The following SMAD9 variants were observed in gnomAD, a reference collection of about 807,000 sequenced individuals.
SMAD9 encodes SMAD family member 9, also known as MAD homolog 9.
Under a neutral mutation model 46.1 loss-of-function variants are expected in SMAD9, and 36 were observed. The ratio of observed to expected loss-of-function variants is 0.78; its 90% CI spans 0.60 to 1.03. The LOEUF is 1.03. Among genes scored for constraint, SMAD9 ranks in the 50% least tolerant of loss-of-function variants. The probability of loss-of-function intolerance (pLI) is 0.00; values close to 1 mark genes in which losing one functional copy is unlikely to be tolerated. For missense variants in SMAD9, 572 were observed against 599.8 expected (o/e 0.95, Z 0.48); for synonymous variants, 245 against 237.1 (o/e 1.03, Z -0.31).
intron 1 of SMAD9, among the ~76,000 whole-genome samples, chr13:36,910,145 C>T (rs928172281): frequency 5.7e-4 from 86 of 151,084 alleles, no homozygotes; most frequent in Middle Eastern, 3.4e-3. Context: ...TGCAGTGAGC[C>T]GAGATCGCGC....
At chr13:36,855,054 T>G (rs1054970646) in intron 5 of SMAD9, among the ~76,000 whole-genome samples, 1 of 151,640 alleles carries the variant, frequency 6.6e-6, no homozygotes, top group Non-Finnish European at 1.5e-5. Context: ...TCAAGGTAGG[T>G]GAATCACTTG....
chr13:36,907,460 A>C (rs2058628431), intron 1 of SMAD9, among the ~76,000 whole-genome samples: 1 of 152,184 alleles, frequency 6.6e-6, no homozygotes, highest in African/African-American at 2.4e-5. Flanking sequence ...TTGAGGCCAG[A>C]AGTACAAGAC....
At chr13:36,898,911 G>C (rs1025942055) in intron 1 of SMAD9, among the ~76,000 whole-genome samples, 11 of 152,100 alleles carry the variant, frequency 7.2e-5, no homozygotes, top group Non-Finnish European at 1.3e-4. Context: ...GGATGTCCTA[G>C]CCAGTGCGAT....
intron 1 of SMAD9, among the ~76,000 whole-genome samples, chr13:36,880,340 T>A (rs1014881210): frequency 6.6e-6 from 1 of 152,220 alleles, no homozygotes; most frequent in Non-Finnish European, 1.5e-5. Context: ...CAGTGGCTCC[T>A]TGGTCTCCCA....
chr13:36,890,488 G>T (rs1418611637), intron 1 of SMAD9, among the ~76,000 whole-genome samples: 1 of 152,076 alleles, frequency 6.6e-6, no homozygotes, highest in South Asian at 2.1e-4. Context: ...CAATGAACCA[G>T]TTTTTTTCAA....
At chr13:36,913,306 T>C (rs2058675326) in intron 1 of SMAD9, among the ~76,000 whole-genome samples, 1 of 152,220 alleles carries the variant, frequency 6.6e-6, no homozygotes, top group African/African-American at 2.4e-5. Flanking sequence ...TCCTGGAGAC[T>C]AGGATTTTAT....
At chr13:36,863,020 C>A (rs1432602319) in intron 5 of SMAD9, among the ~76,000 whole-genome samples, 2 of 152,188 alleles carry the variant, frequency 1.3e-5, no homozygotes, top group Non-Finnish European at 2.9e-5. Flanking sequence ...TCAGTAAGTA[C>A]TCGTGAGATG....
intron 1 of SMAD9, among the ~76,000 whole-genome samples, chr13:36,884,131 C>A (rs1215639243): frequency 6.6e-6 from 1 of 152,210 alleles, no homozygotes; most frequent in Non-Finnish European, 1.5e-5. Flanking sequence ...GGCAAAACAA[C>A]AACTCTGACA....
chr13:36,899,750 G>A (rs999086300), intron 1 of SMAD9, among the ~76,000 whole-genome samples: 3 of 152,132 alleles, frequency 2.0e-5, no homozygotes, highest in Admixed American at 6.5e-5. Context: ...GCATATGAGG[G>A]GAAAAGGAAA....
At chr13:36,895,782 T>C (rs1373124521) in intron 1 of SMAD9, among the ~76,000 whole-genome samples, 3 of 152,176 alleles carry the variant, frequency 2.0e-5, no homozygotes, top group South Asian at 4.1e-4. Context: ...CTAGGGACTG[T>C]TACCCAGTGA....
At chr13:36,886,313 G>A (rs745953182) in intron 1 of SMAD9, among the ~76,000 whole-genome samples, 18 of 152,346 alleles carry the variant, frequency 1.2e-4, no homozygotes, top group East Asian at 5.8e-4. Flanking sequence ...AAGGCGAGAC[G>A]GACAGCAAAA....
At chr13:36,859,036 G>A (rs1224412165) in intron 5 of SMAD9, among the ~76,000 whole-genome samples, 3 of 151,968 alleles carry the variant, frequency 2.0e-5, no homozygotes, top group Non-Finnish European at 4.4e-5. Flanking sequence ...AAGAAAATTG[G>A]GATCATACTC....
intron 5 of SMAD9, among the ~76,000 whole-genome samples, chr13:36,861,852 C>T (rs1432838118): frequency 1.3e-5 from 2 of 151,532 alleles, no homozygotes; most frequent in African/African-American, 4.8e-5. Flanking sequence ...TCGCTTGAAC[C>T]CTGGAGGCAG....
At chr13:36,887,437 G>A (rs2058456214) in intron 1 of SMAD9, among the ~76,000 whole-genome samples, 1 of 151,768 alleles carries the variant, frequency 6.6e-6, no homozygotes. Flanking sequence ...TAGCTAGGCT[G>A]GTCTCGAACT....
Position 36,846,206 on chromosome 13 carries a change from G to A in SMAD9, c.*2470C>T, listed in dbSNP as rs1391374787. On this transcript the variant is annotated 3_prime_UTR_variant, in exon 7 of 7. Coordinates refer to ENST00000379826, the MANE Select transcript of SMAD9 (RefSeq NM_001127217.3). ...GGTGTAAGATTACCAGAGGAAGCCG[G>A]GCGCAGTGGCTCACGCCTGTAATCC... The A allele has an allele frequency of 2.6e-5, 4 of 151,962 alleles. No individual in the cohort carries two copies. In the East Asian group the frequency reaches 7.8e-4, roughly 30 times the overall value. The allele number at this position is 151,962 out of a possible 1,614,324, so 9.4% of individuals were successfully genotyped here. A position where few individuals can be genotyped will look rare whatever the true frequency, so the allele number is the denominator to read the frequency against.
At chr13:36,917,284 A>G (rs909878237) in intron 1 of SMAD9, among the ~76,000 whole-genome samples, 3 of 152,194 alleles carry the variant, frequency 2.0e-5, no homozygotes, top group African/African-American at 7.2e-5. Context: ...TTACCAAGGG[A>G]TAATTGTTTA....
In SMAD9 at chr13:36,845,203, TTTTTGTTGCTG is replaced by T. The variant is rs1278919055; in HGVS notation, c.*3462_*3472del. 1 of 152,134 alleles carries T rather than the reference TTTTTGTTGCTG, an allele frequency of 6.6e-6. No homozygotes were observed. The highest frequency in any genetic ancestry group is 1.5e-5 in the Non-Finnish European group (1 of 68,014). 9.4% of individuals were successfully genotyped at this position (152,134 alleles called of 1,614,324 possible). A position where few individuals can be genotyped will look rare whatever the true frequency, so the allele number is the denominator to read the frequency against. ...TCTATCAAGTGATATTTATGAAATGTTTTTGTTGCTGTTTTGTTGCTGTTATGGGAACATCC... is the reference window on the plus strand; with the variant it reads ...TCTATCAAGTGATATTTATGAAATGTTTTTGTTGCTGTTATGGGAACATCC... On this transcript the variant is annotated 3_prime_UTR_variant, in exon 7 of 7. Transcript: ENST00000379826.
Position 36,879,408 on chromosome 13 carries a change from G to A in SMAD9, c.282C>T (p.Arg94=), listed in dbSNP as rs779255458. 5.0e-6 allele frequency: 8 copies of A among 1,614,002 alleles called. No individual in the cohort carries two copies. In the Admixed American group the frequency reaches 5.0e-5, roughly 10 times the overall value. ...ACTGCAGATCCGGCCAGCGCCACAC[G>A]CGACAGTAAATCACATGGGGCAGGC... ...RKGLPHVIYC[R]VWRWPDLQSH... is the part of the protein sequence containing the mutation. The change falls in exon 2 of 7, where the codon CGC becomes CGT. Residue 94 remains arginine (R), a synonymous_variant. Coordinates refer to ENST00000379826, the MANE Select transcript of SMAD9 (RefSeq NM_001127217.3).
chr13:36,876,881 A>C (rs2058350108), intron 2 of SMAD9, among the ~76,000 whole-genome samples: 2 of 152,218 alleles, frequency 1.3e-5, no homozygotes, highest in Admixed American at 6.5e-5. Flanking sequence ...AACTAGATAT[A>C]AAATCTACTT....
Sources: gnomAD v4.1 joint callset for allele counts (sites outside exome capture counted in the v4.1 genomes callset) on GRCh38, gnomAD v4.1.1 for gene constraint, MANE v1.5 for transcripts, NCBI Gene and HGNC (gene_info 2026-07-23, HGNC 2026-07-21) for gene names.